Variants in MED15 observed in about 807,000 individuals in gnomAD.
MED15 encodes the protein mediator of RNA polymerase II transcription subunit 15.
In MED15, 41 loss-of-function variants were observed where a neutral mutation model predicts 118.7. That is an observed-to-expected ratio of 0.35 (90% CI 0.27 to 0.45). MED15 has a LOEUF of 0.45. MED15 is among the 20% of genes least tolerant of loss of function. The pLI is 1.00. For synonymous variants in MED15, 436 were observed against 413.9 expected (o/e 1.05, Z -0.65); for missense variants, 740 against 1,025.5 (o/e 0.72, Z 3.80).
chr22:20,507,895 C>A (rs973649565), intron 1 of MED15, 149 bp downstream of exon 1: 53 of 1,474,040 alleles, frequency 3.6e-5, no homozygotes, highest in Admixed American at 2.3e-4. Context: ...TCGGGCCCCC[C>A]CGTCTGTCCC....
Position 20,585,807 on chromosome 22 carries a change from A to G in MED15, c.2211A>G (p.Ile737Met). ...ATCCTGCCCAAAGCCCGCTGTGGAT[A>G]GACCGGCAGTGGCAGTACGGTAGGT... Reference protein sequence around the residue: ...ADYPAQSPLWIDRQWQYDANP... With the variant: ...ADYPAQSPLWMDRQWQYDANP... The change falls in exon 17 of 18, where the codon ATA (isoleucine) becomes ATG (methionine). Residue 737 changes from isoleucine (I) to methionine (M), a missense_variant. Transcript: ENST00000263205. 6.2e-7 allele frequency: 1 copy of G among 1,613,142 alleles called. No homozygotes were observed. The highest frequency in any genetic ancestry group is 1.1e-5 in the South Asian group (1 of 91,082).
intron 8 of MED15, among the ~76,000 whole-genome samples, chr22:20,571,688 G>A (rs1038898337): frequency 6.6e-6 from 1 of 152,258 alleles, no homozygotes; most frequent in African/African-American, 2.4e-5. Flanking sequence ...GCTGGGGGAT[G>A]GGGAGGGTTG....
chr22:20,541,461 G>A (rs888179851), intron 2 of MED15, among the ~76,000 whole-genome samples: 3 of 152,026 alleles, frequency 2.0e-5, no homozygotes, highest in African/African-American at 7.2e-5. Flanking sequence ...ACAATAATAA[G>A]CGTTGGCAAA....
chr22:20,552,542 C>T, intron 3 of MED15: 2 of 459,970 alleles, frequency 4.3e-6, no homozygotes, highest in South Asian at 1.6e-5. Context: ...CTTTCAGGGA[C>T]AGTGGCCTGG....
chr22:20,557,859 C>T (rs2056079859), intron 5 of MED15, among the ~76,000 whole-genome samples: 1 of 152,198 alleles, frequency 6.6e-6, no homozygotes, highest in Non-Finnish European at 1.5e-5. Context: ...GTAATCCCAG[C>T]ACTTTGGGAG....
At chr22:20,585,340 A>G in intron 16 of MED15, 73 bp downstream of exon 16, 1 of 1,561,568 alleles carries the variant, frequency 6.4e-7, no homozygotes. Flanking sequence ...CTGCCATCCA[A>G]GCCAGATGGC....
chr22:20,564,906 G>A (rs1017033274), intron 6 of MED15, among the ~76,000 whole-genome samples: 3 of 152,146 alleles, frequency 2.0e-5, no homozygotes, highest in Admixed American at 6.6e-5. Flanking sequence ...CAAGGCAGGC[G>A]GATCATCAGG....
chr22:20,555,825 G>T (rs1045931225), intron 5 of MED15, among the ~76,000 whole-genome samples: 1 of 152,202 alleles, frequency 6.6e-6, no homozygotes, highest in African/African-American at 2.4e-5. Flanking sequence ...GGGCTCAGGT[G>T]ATCCTCACAC....
chr22:20,538,981 A>G (rs139562158), intron 2 of MED15, among the ~76,000 whole-genome samples: 2,205 of 151,922 alleles, frequency 0.015, 45 homozygotes, highest in Middle Eastern at 0.058. Flanking sequence ...GATTACAGGC[A>G]TGAGCCACCG....
intron 1 of MED15, among the ~76,000 whole-genome samples, chr22:20,515,536 T>A (rs1270627048): frequency 5.3e-5 from 8 of 152,114 alleles, no homozygotes; most frequent in Admixed American, 5.2e-4. Flanking sequence ...ACGCCTATAA[T>A]CCTAGCACTT....
In MED15 at chr22:20,528,758, A is replaced by T. The variant is rs548834519; in HGVS notation, c.69-8359A>T. ...AGCGTGCATCGATCTAGTCACTTAG[A>T]CCAGAGCACAGATGACCACACAACC... On this transcript the variant is annotated intron_variant, in intron 1 of 17. Transcript: ENST00000263205. Among the ~76,000 whole-genome samples, 3 of 152,232 alleles carry T rather than the reference A, an allele frequency of 2.0e-5. No homozygotes were observed. The East Asian group carries it at 5.8e-4, about 29-fold the overall frequency.
chr22:20,546,265 G>A (rs1169841575), intron 2 of MED15, among the ~76,000 whole-genome samples: 1 of 152,066 alleles, frequency 6.6e-6, no homozygotes, highest in African/African-American at 2.4e-5. Flanking sequence ...TTATGAACTG[G>A]GTGCTAAATC....
intron 1 of MED15, among the ~76,000 whole-genome samples, chr22:20,534,440 C>G (rs2054979884): frequency 1.3e-5 from 2 of 152,100 alleles, no homozygotes; most frequent in Non-Finnish European, 2.9e-5. Context: ...TGAGAGGATA[C>G]TTGAGCCCAG....
At chr22:20,585,078 T>G in intron 15 of MED15, 23 bp from the exon 16 acceptor site, 1 of 1,613,348 alleles carries the variant, frequency 6.2e-7, no homozygotes, top group Non-Finnish European at 8.5e-7. Flanking sequence ...GTGCCAGGTG[T>G]GGTCACCATG....
intron 5 of MED15, among the ~76,000 whole-genome samples, chr22:20,560,318 GC>G (rs1208737514): frequency 6.6e-6 from 1 of 152,026 alleles, no homozygotes. Context: ...AGGCTGGAGT[GC>G]AGTGGTGCAA....
chr22:20,546,645 C>T (rs553782489), intron 2 of MED15, among the ~76,000 whole-genome samples: 65 of 152,050 alleles, frequency 4.3e-4, no homozygotes, highest in South Asian at 8.3e-4. Flanking sequence ...CCCCAAGGGC[C>T]ACAGATGGGT....
At chr22:20,550,562 G>A (rs2055727447) in intron 2 of MED15, among the ~76,000 whole-genome samples, 1 of 152,290 alleles carries the variant, frequency 6.6e-6, no homozygotes, top group South Asian at 2.1e-4. Context: ...TGACTCAGGA[G>A]GAAGGTTGGG....
At chr22:20,508,074 G>A (rs2053933236) in intron 1 of MED15, 4 of 1,326,136 alleles carry the variant, frequency 3.0e-6, no homozygotes, top group Non-Finnish European at 2.9e-6. Context: ...GAAAGGGAGA[G>A]AAGCAGCCGG....
At chr22:20,579,753 C>T (rs73877705) in intron 9 of MED15, among the ~76,000 whole-genome samples, 3,894 of 152,118 alleles carry the variant, frequency 0.026, 179 homozygotes, top group African/African-American at 0.089. Flanking sequence ...TGATGTTTAG[C>T]GTGCCTGAGC....
Sources: allele counts gnomAD v4.1 joint callset (sites outside exome capture counted in the v4.1 genomes callset), GRCh38; gene constraint gnomAD v4.1.1; transcripts MANE v1.5; gene names NCBI Gene and HGNC (gene_info 2026-07-23, HGNC 2026-07-21).